ATP8B4: variants seen among roughly 807,000 people sequenced by gnomAD.
ATP8B4 encodes the protein probable phospholipid-transporting ATPase IM.
ATP8B4 carries 133 observed loss-of-function variants against 145.6 expected under a neutral mutation model. That is an observed-to-expected ratio of 0.91 (90% CI 0.79 to 1.05). The LOEUF is 1.05. Among genes scored for constraint, ATP8B4 ranks in the 50% least tolerant of loss-of-function variants. The probability of loss-of-function intolerance (pLI) is 0.00; values close to 1 mark genes in which losing one functional copy is unlikely to be tolerated. For missense variants in ATP8B4, 1,458 were observed against 1,425.2 expected (o/e 1.02, Z -0.37); for synonymous variants, 507 against 492.9 (o/e 1.03, Z -0.38).
chr15:49,972,482 G>T, intron 13 of ATP8B4, 100 bp downstream of exon 13: 2 of 1,145,728 alleles, frequency 1.7e-6, no homozygotes, highest in Non-Finnish European at 1.2e-6. Flanking sequence ...TAATAAGAAA[G>T]CCAGCGACTG....
At chr15:50,073,019 T>TACACACACACACACACAC in intron 3 of ATP8B4, among the ~76,000 whole-genome samples, 1 of 32,456 alleles carries the variant, frequency 3.1e-5, no homozygotes, top group African/African-American at 1.3e-4. Context: ...TATATATATA[T>TACACACACACACACACAC]ACACACACAC....
chr15:49,932,272 G>T (rs942919124), intron 15 of ATP8B4, among the ~76,000 whole-genome samples: 2 of 151,784 alleles, frequency 1.3e-5, no homozygotes, highest in Non-Finnish European at 2.9e-5. Flanking sequence ...ATATTTATGA[G>T]CCAGAGGAAA....
At chr15:49,980,285 A>G (rs2046040080) in intron 11 of ATP8B4, among the ~76,000 whole-genome samples, 1 of 152,174 alleles carries the variant, frequency 6.6e-6, no homozygotes, top group South Asian at 2.1e-4. Context: ...TCCAATTGTT[A>G]CATATCAGGT....
chr15:49,909,776 A>T (rs983705530), intron 20 of ATP8B4, among the ~76,000 whole-genome samples: 2 of 151,794 alleles, frequency 1.3e-5, no homozygotes, highest in South Asian at 4.1e-4. Flanking sequence ...TGGAGACTAT[A>T]CTACTGCACA....
intron 2 of ATP8B4, among the ~76,000 whole-genome samples, chr15:50,104,012 G>C (rs1198117395): frequency 6.6e-6 from 1 of 152,130 alleles, no homozygotes; most frequent in Non-Finnish European, 1.5e-5. Context: ...ATGGTGCTGG[G>C]ATAATTGGCA....
intron 1 of ATP8B4, among the ~76,000 whole-genome samples, chr15:50,158,289 C>T (rs1330728809): frequency 1.3e-5 from 2 of 151,802 alleles, no homozygotes; most frequent in Non-Finnish European, 2.9e-5. Context: ...TTCCCGGCCG[C>T]CATCCCATCT....
At chr15:49,965,845 G>A (rs1238460878) in intron 13 of ATP8B4, among the ~76,000 whole-genome samples, 1 of 152,094 alleles carries the variant, frequency 6.6e-6, no homozygotes, top group African/African-American at 2.4e-5. Flanking sequence ...GGACAAATAG[G>A]AACAGCTCTG....
rs779613963 is a variant in ATP8B4, at chr15:49,866,524, A to T, written c.3028-40T>A. ...AAATGCAAACGGGAGGTCTTTGAGG[A>T]TTAAAACAGCATCATTTTACCTCGT... On this transcript the variant is annotated intron_variant, in intron 25 of 27. Coordinates refer to ENST00000284509, the MANE Select transcript of ATP8B4 (RefSeq NM_024837.4). The T allele has an allele frequency of 5.6e-6, 9 of 1,602,716 alleles. No homozygotes were observed. In the South Asian group the frequency reaches 9.9e-5, roughly 18 times the overall value.
chr15:49,934,688 C>G (rs1410487521), intron 14 of ATP8B4, among the ~76,000 whole-genome samples: 2 of 152,012 alleles, frequency 1.3e-5, no homozygotes, highest in Non-Finnish European at 2.9e-5. Flanking sequence ...AGTTATTGCA[C>G]AATAAAATGG....
At chr15:49,967,487 A>G (rs941443567) in intron 13 of ATP8B4, among the ~76,000 whole-genome samples, 1 of 152,190 alleles carries the variant, frequency 6.6e-6, no homozygotes, top group Non-Finnish European at 1.5e-5. Flanking sequence ...ACAGGAATCA[A>G]TAGCTGAATC....
At chr15:50,175,724 C>A (rs1481838062) in intron 1 of ATP8B4, among the ~76,000 whole-genome samples, 4 of 152,186 alleles carry the variant, frequency 2.6e-5, no homozygotes, top group Non-Finnish European at 4.4e-5. Context: ...ATGTGGTAAA[C>A]AAGAAACTCT....
chr15:50,055,533 G>C (rs1412144473), intron 3 of ATP8B4, among the ~76,000 whole-genome samples: 3 of 152,120 alleles, frequency 2.0e-5, no homozygotes, highest in Admixed American at 2.0e-4. Context: ...CAGTACCACA[G>C]TTTCCTCACT....
chr15:50,118,320 G>A (rs1310538104), intron 1 of ATP8B4, among the ~76,000 whole-genome samples: 1 of 152,006 alleles, frequency 6.6e-6, no homozygotes, highest in African/African-American at 2.4e-5. Context: ...CCATAAATAT[G>A]TGCAGTTATT....
chr15:49,884,871 C>T (rs1459056920), intron 23 of ATP8B4, among the ~76,000 whole-genome samples: 2 of 152,078 alleles, frequency 1.3e-5, no homozygotes, highest in Non-Finnish European at 2.9e-5. Context: ...CTGTTGTGAA[C>T]TGTGCATATG....
chr15:49,950,965 T>C (rs1017674668), intron 14 of ATP8B4, among the ~76,000 whole-genome samples: 2 of 152,208 alleles, frequency 1.3e-5, no homozygotes, highest in Admixed American at 6.5e-5. Flanking sequence ...CCAGGAGTCA[T>C]TCAGAAGCAG....
Position 49,874,922 on chromosome 15 carries a change from A to G in ATP8B4, c.3027+1356T>C, listed in dbSNP as rs368291915. Among the ~76,000 whole-genome samples, 5 of 152,372 alleles carry G rather than the reference A, an allele frequency of 3.3e-5. No individual in the cohort carries two copies. In the South Asian group the frequency reaches 1.0e-3, roughly 32 times the overall value. On this transcript the variant is annotated intron_variant, in intron 25 of 27. Coordinates refer to ENST00000284509, the MANE Select transcript of ATP8B4 (RefSeq NM_024837.4). ...CAGCTTCTAAACATAAAGTTAATAT[A>G]AAAACATGGCACTGGCACTATTGTA...
chr15:49,999,803 C>T (rs1032461981), intron 8 of ATP8B4, among the ~76,000 whole-genome samples: 7 of 152,086 alleles, frequency 4.6e-5, no homozygotes, highest in South Asian at 2.1e-4. Flanking sequence ...TCTATCACTG[C>T]GGGATCCCTC....
chr15:50,027,016 C>T lies in ATP8B4; in HGVS notation c.362+11752G>A, dbSNP rs571273873. Among the ~76,000 whole-genome samples, 5 of 152,208 alleles carry T rather than the reference C, an allele frequency of 3.3e-5. No individual in the cohort carries two copies. The East Asian group carries it at 7.7e-4, about 24-fold the overall frequency. Reference sequence around the variant, plus strand: ...TGGCCTGAACTGTTCCTGGGTTCTCCAATGCTCTCCCCACCCTCTCACCCC... The same window carrying T: ...TGGCCTGAACTGTTCCTGGGTTCTCTAATGCTCTCCCCACCCTCTCACCCC... On this transcript the variant is annotated intron_variant, in intron 6 of 27. Transcript: ENST00000284509.
At chr15:50,022,658 A>G (rs2049671849) in intron 6 of ATP8B4, among the ~76,000 whole-genome samples, 1 of 152,178 alleles carries the variant, frequency 6.6e-6, no homozygotes, top group Non-Finnish European at 1.5e-5. Flanking sequence ...CCCTGGCCCA[A>G]CCTATGACAT....
Sources: allele counts gnomAD v4.1 joint callset (sites outside exome capture counted in the v4.1 genomes callset), GRCh38; gene constraint gnomAD v4.1.1; transcripts MANE v1.5; gene names NCBI Gene and HGNC (gene_info 2026-07-23, HGNC 2026-07-21).